The following BAZ2A variants were observed in gnomAD, a reference collection of about 807,000 sequenced individuals.
The protein encoded by BAZ2A is bromodomain adjacent to zinc finger domain 2A.
BAZ2A carries 34 observed loss-of-function variants against 199.9 expected under a neutral mutation model. The ratio of observed to expected loss-of-function variants is 0.17; its 90% CI spans 0.13 to 0.23. The LOEUF (loss-of-function observed/expected upper bound fraction) is 0.23, where lower values mean the gene tolerates loss of function less well. Among genes scored for constraint, BAZ2A ranks in the 10% least tolerant of loss-of-function variants. BAZ2A has a pLI of 1.00. For synonymous variants in BAZ2A, 857 were observed against 883.9 expected, an observed-to-expected ratio of 0.97 and a Z score of 0.54; for missense variants, 2,002 against 2,391.1, an observed-to-expected ratio of 0.84 and a Z score of 3.39.
upstream of BAZ2A, among the ~76,000 whole-genome samples, chr12:56,631,537 C>T (rs902036316): frequency 2.0e-5 from 3 of 151,668 alleles, no homozygotes; most frequent in Admixed American, 2.0e-4. Context: ...TCAATGACTT[C>T]TTCAATGTCA....
rs945630741 is a variant in BAZ2A, at chr12:56,599,253, G to A, written c.5278C>T (p.Arg1760Trp). Residue 1760 changes from arginine to tryptophan, a missense_variant, in exon 27 of 29, where the codon CGG (arginine) becomes TGG (tryptophan). By Grantham distance (101) the Arg-to-Trp change is moderately radical. Transcript: ENST00000549884. ...CTTTCTCGGCCCCTCAACAGTACCC[G>A]GCGTCGGCGGCCATCACCCTCTGAG... ...NFSEGDGRRR[R>W]VLLRGRESPA... The A allele has an allele frequency of 5.6e-6, 9 of 1,612,974 alleles. No homozygotes were observed. The highest frequency in any genetic ancestry group is 7.6e-6 in the Non-Finnish European group (9 of 1,179,710).
At chr12:56,610,016 C>T in intron 9 of BAZ2A, 70 bp from the exon 10 acceptor site, 1 of 1,602,056 alleles carries the variant, frequency 6.2e-7, no homozygotes, top group South Asian at 1.1e-5. Context: ...CGGAACCATT[C>T]AATGCCCCAG....
At chr12:56,633,090 C>T (rs1000023577), upstream of BAZ2A, among the ~76,000 whole-genome samples, 1 of 152,134 alleles carries the variant, frequency 6.6e-6, no homozygotes, top group Admixed American at 6.5e-5. Context: ...TCAAGCCAGG[C>T]CAGTGGACTA....
upstream of BAZ2A, chr12:56,634,891 G>A (rs1951409997): frequency 1.0e-6 from 1 of 983,246 alleles, no homozygotes; most frequent in Admixed American, 6.1e-5. Context: ...GCAGGATACC[G>A]CAGGAACGGC....
chr12:56,612,157 G>C lies in BAZ2A; in HGVS notation c.1225C>G (p.Pro409Ala). The C allele has an allele frequency of 6.2e-7, 1 of 1,613,930 alleles. No individual in the cohort carries two copies. The highest frequency in any genetic ancestry group is 1.7e-5 in the Admixed American group (1 of 60,016). ...ATAGTGGATGACTGATCAGGAGCTG[G>C]CTGGGTCAGGGATGGTGGGAAGTCT... Reference protein sequence around the residue: ...SSDFPPSLTQPAPDQSSTIQL... With the variant: ...SSDFPPSLTQAAPDQSSTIQL... The change falls in exon 6 of 29, where the codon CCA becomes GCA. Residue 409 changes from proline to alanine, a missense_variant. Pro to Ala is a conservative substitution (Grantham distance 27, BLOSUM62 -1). Around this residue, in one of 6 missense-constraint regions of BAZ2A, gnomAD observed 641 missense variants for 694.5 expected, o/e 0.92. Coordinates refer to ENST00000549884, the MANE Select transcript of BAZ2A (RefSeq NM_001300905.2).
rs1565806942 is a variant in BAZ2A, at chr12:56,600,804, A to G, written c.4479T>C (p.Pro1493=). Residue 1493 remains proline (P), a synonymous_variant, in exon 23 of 29, where the codon CCT becomes CCC. Coordinates refer to ENST00000549884, the MANE Select transcript of BAZ2A (RefSeq NM_001300905.2). The part of the protein sequence containing the change: ...ADPIFEPRQL[P]AFQEGIMSWS... ...AGCTCATAATCCCTTCTTGAAAGGC[A>G]GGTAGTTGCCTGGGCTCAAAGATGG... is the stretch of plus-strand genomic sequence containing the variant. 6.2e-7 allele frequency: 1 copy of G among 1,613,914 alleles called. No individual in the cohort carries two copies. The highest frequency in any genetic ancestry group is 8.5e-7 in the Non-Finnish European group (1 of 1,179,876).
Position 56,601,272 on chromosome 12 carries a change from T to C in BAZ2A, c.4202A>G (p.Gln1401Arg). 6.2e-7 allele frequency: 1 copy of C among 1,614,070 alleles called. No homozygotes were observed. Among genetic ancestry groups the C allele is most frequent in the East Asian group, 2.2e-5 (1 of 44,876 alleles). The change falls in exon 21 of 29, where the codon CAG (glutamine) becomes CGG (arginine). Residue 1401 changes from glutamine to arginine, a missense_variant. Gln to Arg is a conservative substitution (Grantham distance 43). This residue lies in a region of BAZ2A where 1,081 missense variants were observed against 1,274.7 expected (regional missense o/e 0.85). Transcript: ENST00000549884. Reference protein sequence around the residue: ...EMPQSPTGLGQPKRRGRPPSK... With the variant: ...EMPQSPTGLGRPKRRGRPPSK... The stretch of plus-strand genomic sequence containing the variant: ...GGGAGGTCTCCCTCTCCGTTTGGGC[T>C]GTCCCAGCCCTGTGGGACTCTGTGG...
intron 1 of BAZ2A, among the ~76,000 whole-genome samples, chr12:56,625,219 G>T (rs942661560): frequency 3.5e-5 from 5 of 143,344 alleles, no homozygotes; most frequent in African/African-American, 1.3e-4. Flanking sequence ...GCAGTGGCAC[G>T]ATCTCTGCTC....
intron 1 of BAZ2A, among the ~76,000 whole-genome samples, chr12:56,621,805 C>T (rs1396732463): frequency 6.6e-6 from 1 of 151,946 alleles, no homozygotes; most frequent in East Asian, 1.9e-4. Context: ...CCTCCTGCCT[C>T]AGCTTCCCAA....
chr12:56,611,294 C>T (rs578188380), intron 7 of BAZ2A: 5 of 529,476 alleles, frequency 9.4e-6, no homozygotes, highest in African/African-American at 5.8e-5. Context: ...GGATGTGAGC[C>T]CTAGGGTTTG....
In BAZ2A at chr12:56,600,759, T is replaced by C. The variant is rs781621418; in HGVS notation, c.4524A>G (p.Thr1508=). Residue 1508 remains threonine, a synonymous_variant, in exon 23 of 29, where the codon ACA becomes ACG. Coordinates refer to ENST00000549884, the MANE Select transcript of BAZ2A (RefSeq NM_001300905.2). ...GIMSWSPKEK[T]YETDLAVLQW... Reference sequence around the variant, plus strand: ...GAAGCACTGCTAGGTCTGTCTCGTATGTCTTCTCTTTGGGGGACCAGCTCA... The same window carrying C: ...GAAGCACTGCTAGGTCTGTCTCGTACGTCTTCTCTTTGGGGGACCAGCTCA... 2 of 1,613,778 alleles carry C rather than the reference T, an allele frequency of 1.2e-6. No homozygotes were observed. Among genetic ancestry groups the C allele is most frequent in the African/African-American group, 1.3e-5 (1 of 74,916 alleles).
intron 1 of BAZ2A, among the ~76,000 whole-genome samples, chr12:56,627,815 G>A (rs181791635): frequency 0.013 from 1,796 of 136,552 alleles, 22 homozygotes; most frequent in Non-Finnish European, 0.019. Flanking sequence ...ATCGGAGTGA[G>A]ACCCTGTCTC....
At chr12:56,606,143 C>CA in intron 12 of BAZ2A, 80 bp from the exon 13 acceptor site, 1 of 1,565,622 alleles carries the variant, frequency 6.4e-7, no homozygotes, top group Non-Finnish European at 8.7e-7. Flanking sequence ...CTCCCAACCT[C>CA]ACAGCCCAGA....
intron 1 of BAZ2A, chr12:56,621,112 T>C (rs575411652): frequency 1.0e-6 from 1 of 985,390 alleles, no homozygotes; most frequent in African/African-American, 1.7e-5. Context: ...CAGTTTTTTG[T>C]ACACCTCCCC....
In BAZ2A at chr12:56,630,153, G is replaced by A. The variant is rs1251837954; in HGVS notation, c.-31C>T. ...AGGCAGCGGCGTCCAGCCGGGCTCG[G>A]GGCTCGTCTCTCCCCGGGGTACAAG... On this transcript the variant is annotated 5_prime_UTR_variant, in exon 1 of 29. Transcript: ENST00000549884. 43 of 985,478 alleles carry A rather than the reference G, an allele frequency of 4.4e-5. No individual in the cohort carries two copies. In the Admixed American group the frequency reaches 2.6e-3, roughly 61 times the overall value. The allele number at this position is 985,478 out of a possible 1,614,324, so 61.0% of individuals were successfully genotyped here.
In BAZ2A at chr12:56,600,537, T is replaced by A. The variant is rs759001383; in HGVS notation, c.4603-47A>T. The A allele has an allele frequency of 7.6e-6, 12 of 1,580,742 alleles. No individual in the cohort carries two copies. The East Asian group carries it at 2.7e-4, about 36-fold the overall frequency. The stretch of plus-strand genomic sequence containing the variant: ...AAAACTCACTGTAAAAGGAGGAAAA[T>A]TTGGCATAGGAAAAAAAAAAACAAA... On this transcript the variant is annotated intron_variant, in intron 23 of 28. Transcript: ENST00000549884.
At chr12:56,610,055 C>T in intron 9 of BAZ2A, 59 bp downstream of exon 9, 1 of 1,602,794 alleles carries the variant, frequency 6.2e-7, no homozygotes, top group Non-Finnish European at 8.5e-7. Flanking sequence ...GAGGAAGCTG[C>T]AGCTTGTCCA....
chr12:56,603,786 G>C, intron 16 of BAZ2A, 86 bp from the exon 17 acceptor site: 1 of 1,468,268 alleles, frequency 6.8e-7, no homozygotes, highest in Non-Finnish European at 9.3e-7. Flanking sequence ...GCCAAGACAG[G>C]CGGATCACCT....
At chr12:56,637,918 C>T (rs1370742912), upstream of BAZ2A, among the ~76,000 whole-genome samples, 1 of 152,174 alleles carries the variant, frequency 6.6e-6, no homozygotes, top group African/African-American at 2.4e-5. Flanking sequence ...CAATTTCAAA[C>T]ATACATGGCC....
Sources: allele counts gnomAD v4.1 joint callset (sites outside exome capture counted in the v4.1 genomes callset), GRCh38; gene constraint gnomAD v4.1.1; regional missense constraint gnomAD v4.1.1; transcripts MANE v1.5; gene names NCBI Gene and HGNC (gene_info 2026-07-23, HGNC 2026-07-21).